Variants in NAV2 observed in about 807,000 individuals in gnomAD.
NAV2 encodes the protein helicase, APC down-regulated 1.
Under a neutral mutation model 223.2 loss-of-function variants are expected in NAV2, and 54 were observed. The ratio of observed to expected loss-of-function variants is 0.24; its 90% CI spans 0.19 to 0.30. The LOEUF (loss-of-function observed/expected upper bound fraction) is 0.30, where lower values mean the gene tolerates loss of function less well. Ranked by LOEUF, NAV2 falls within the 10% of genes least tolerant of loss-of-function variation. NAV2 has a pLI of 1.00. For missense variants in NAV2, 2,806 were observed against 3,147.5 expected (o/e 0.89, Z 2.60); for synonymous variants, 1,279 against 1,239.3 (o/e 1.03, Z -0.67).
At chr11:19,452,649 C>T (rs979778653) in intron 1 of NAV2, among the ~76,000 whole-genome samples, 2 of 152,218 alleles carry the variant, frequency 1.3e-5, no homozygotes, top group Non-Finnish European at 2.9e-5. Context: ...TTTAAATGTG[C>T]TTAGAACACT....
At chr11:19,958,516 T>A (rs2048076823) in intron 10 of NAV2, among the ~76,000 whole-genome samples, 2 of 152,188 alleles carry the variant, frequency 1.3e-5, no homozygotes, top group Admixed American at 1.3e-4. Context: ...GCTGTGGAGT[T>A]TGACCTGCAG....
chr11:19,705,584 T>C (rs2049637881), intron 1 of NAV2, among the ~76,000 whole-genome samples: 3 of 152,174 alleles, frequency 2.0e-5, no homozygotes, highest in African/African-American at 7.2e-5. Context: ...ATTACATTTC[T>C]GCTCCCATTA....
At chr11:19,775,557 A>C (rs2152628013) in intron 1 of NAV2, among the ~76,000 whole-genome samples, 1 of 152,348 alleles carries the variant, frequency 6.6e-6, no homozygotes, top group East Asian at 1.9e-4. Flanking sequence ...CAAAACAGAC[A>C]AGGTTGTTGG....
intron 36 of NAV2, among the ~76,000 whole-genome samples, chr11:20,110,292 T>C (rs2062509730): frequency 6.6e-6 from 1 of 152,212 alleles, no homozygotes; most frequent in Non-Finnish European, 1.5e-5. Flanking sequence ...TGCCCCAAAC[T>C]TGTGACCTCG....
chr11:19,759,563 G>A (rs1020380314), intron 1 of NAV2, among the ~76,000 whole-genome samples: 11 of 152,128 alleles, frequency 7.2e-5, no homozygotes, highest in Admixed American at 1.3e-4. Flanking sequence ...AGAATAAATC[G>A]ATTGCTTGGT....
At chr11:19,409,146 GGCCC>G (rs1465894623) in intron 1 of NAV2, among the ~76,000 whole-genome samples, 1 of 152,010 alleles carries the variant, frequency 6.6e-6, no homozygotes, top group Non-Finnish European at 1.5e-5. Context: ...GCAAATCATT[GGCCC>G]ACCCCATGTC....
At chr11:19,747,025 A>G (rs1431796331) in intron 1 of NAV2, among the ~76,000 whole-genome samples, 3 of 35,576 alleles carry the variant, frequency 8.4e-5, no homozygotes, top group African/African-American at 1.8e-4. Context: ...TATATCTCCT[A>G]ATATCTATCC....
At chr11:19,486,447 T>C (rs917650109) in intron 1 of NAV2, among the ~76,000 whole-genome samples, 4 of 152,168 alleles carry the variant, frequency 2.6e-5, no homozygotes, top group Non-Finnish European at 4.4e-5. Context: ...TCCCCAAATG[T>C]CATGGAGGGA....
intron 1 of NAV2, among the ~76,000 whole-genome samples, chr11:19,819,724 C>T (rs2059277877): frequency 6.6e-6 from 1 of 152,224 alleles, no homozygotes; most frequent in Admixed American, 6.5e-5. Context: ...TTTACAAACA[C>T]TGAGTCCCCA....
intron 11 of NAV2, among the ~76,000 whole-genome samples, chr11:20,005,253 A>ATATATATATTTT (rs1277010848): frequency 1.3e-4 from 18 of 134,554 alleles, no homozygotes; most frequent in Non-Finnish European, 2.7e-4. Context: ...ATATATATAT[A>ATATATATATTTT]TTTTTTTTTT....
chr11:19,607,720 C>A (rs1280826550), intron 1 of NAV2, among the ~76,000 whole-genome samples: 3 of 152,162 alleles, frequency 2.0e-5, no homozygotes, highest in Non-Finnish European at 4.4e-5. Context: ...ACTCATGGAG[C>A]AGGATTTGAG....
intron 1 of NAV2, among the ~76,000 whole-genome samples, chr11:19,399,198 G>T: frequency 6.6e-6 from 1 of 152,118 alleles, no homozygotes; most frequent in East Asian, 1.9e-4. Flanking sequence ...GTGTTCCCCT[G>T]TGTCTTAGGC....
chr11:19,842,456 T>G (rs762084919), intron 2 of NAV2, among the ~76,000 whole-genome samples: 4 of 152,224 alleles, frequency 2.6e-5, no homozygotes, highest in Non-Finnish European at 5.9e-5. Context: ...GATGCTTTCA[T>G]TTGTGGCTTT....
chr11:20,029,705 G>T (rs560843762), intron 11 of NAV2, among the ~76,000 whole-genome samples: 11 of 152,320 alleles, frequency 7.2e-5, no homozygotes, highest in African/African-American at 2.6e-4. Context: ...AAAGCCCTTG[G>T]CTAAGGGTCT....
chr11:19,888,893 C>A (rs1254110495), intron 5 of NAV2, among the ~76,000 whole-genome samples: 4 of 152,188 alleles, frequency 2.6e-5, no homozygotes, highest in Non-Finnish European at 4.4e-5. Context: ...CCTCCGAGAT[C>A]TTCATTTCCT....
intron 6 of NAV2, among the ~76,000 whole-genome samples, chr11:19,911,205 C>A (rs1306539174): frequency 6.6e-6 from 1 of 152,082 alleles, no homozygotes; most frequent in Non-Finnish European, 1.5e-5. Flanking sequence ...AGCACAGAAA[C>A]AGACACTTGT....
intron 1 of NAV2, among the ~76,000 whole-genome samples, chr11:19,781,782 T>G (rs896825009): frequency 3.9e-5 from 6 of 152,096 alleles, no homozygotes; most frequent in Admixed American, 6.5e-5. Context: ...AATCCCTAAC[T>G]TTATGGAGGC....
chr11:19,533,985 C>T (rs1445692864), intron 1 of NAV2, among the ~76,000 whole-genome samples: 3 of 132,256 alleles, frequency 2.3e-5, no homozygotes, highest in African/African-American at 4.4e-5. Flanking sequence ...GGATTACAGG[C>T]GTGAGCCACC....
At position 19,361,769 on chromosome 11, in the gene NAV2, G is replaced by A. The variant is rs149916092; in HGVS notation, c.75+10742G>A. ...AGCATTTGCATTAGTAGAACATCAC[G>A]AAGCCCTTTGCCTACGGTAATTGAA... On this transcript the variant is annotated intron_variant, in intron 1 of 37. Transcript: ENST00000360655. Among the ~76,000 whole-genome samples the A allele has an allele frequency of 6.9e-3, 1,050 of 152,252 alleles. 3 individuals carry two copies. Among genetic ancestry groups the A allele is most frequent in the Non-Finnish European group, 0.012 (838 of 68,024 alleles).
Sources: allele counts gnomAD v4.1 joint callset (sites outside exome capture counted in the v4.1 genomes callset), GRCh38; gene constraint gnomAD v4.1.1; transcripts MANE v1.5; gene names NCBI Gene and HGNC (gene_info 2026-07-23, HGNC 2026-07-21).